The following PCDHA12 variants were observed in gnomAD, a reference collection of about 807,000 sequenced individuals.
PCDHA12 encodes the protein protocadherin alpha 12, also known as protocadherin alpha-12.
PCDHA12 carries 44 observed loss-of-function variants against 60.0 expected under a neutral mutation model. The ratio of observed to expected loss-of-function variants is 0.73; its 90% confidence interval spans 0.58 to 0.94. PCDHA12 has a LOEUF of 0.94. Among genes scored for constraint, PCDHA12 ranks in the 40% least tolerant of loss-of-function variants. The pLI is 0.00. For synonymous variants in PCDHA12, 569 were observed against 553.0 expected (o/e 1.03, Z -0.40); for missense variants, 1,276 against 1,239.7 (o/e 1.03, Z -0.44).
Position 140,875,691 on chromosome 5 carries a change from C to A in PCDHA12, c.219C>A (p.Asp73Glu), listed in dbSNP as rs1554167867. 1.2e-6 allele frequency: 2 copies of A among 1,614,036 alleles called. No individual in the cohort carries two copies. Among genetic ancestry groups the A allele is most frequent in the South Asian group, 1.1e-5 (1 of 91,070 alleles). Reference protein sequence around the residue: ...LFRVASKRHGDLLEVNLQNGI... With the variant: ...LFRVASKRHGELLEVNLQNGI... Reference sequence around the variant, plus strand: ...GGGTGGCGTCCAAAAGACACGGGGACCTTCTGGAGGTAAATCTGCAGAATG... The same window carrying A: ...GGGTGGCGTCCAAAAGACACGGGGAACTTCTGGAGGTAAATCTGCAGAATG... Residue 73 changes from aspartate (D) to glutamate (E), a missense_variant, in exon 1 of 4, where the codon GAC (aspartate) becomes GAA (glutamate). Physicochemically the swap from Asp to Glu is conservative, Grantham distance 45. Transcript: ENST00000398631.
rs1554169929 is a variant in PCDHA12 at position 140,877,625 on chromosome 5, A to T, written c.2153A>T (p.Tyr718Phe). The T allele has an allele frequency of 6.2e-7, 1 of 1,613,774 alleles. No homozygotes were observed. The highest frequency in any genetic ancestry group is 8.5e-7 in the Non-Finnish European group (1 of 1,179,852). ...CTGCTGGTGCTCACGCTGCTGCTGT[A>T]CACTGCGCTGCGTTGCTCAGCGCCG... is the stretch of plus-strand genomic sequence containing the variant. ...SSLLVLTLLL[Y>F]TALRCSAPPT... Residue 718 changes from tyrosine to phenylalanine, a missense_variant, in exon 1 of 4, where the codon TAC becomes TTC. Tyr to Phe is a conservative substitution (Grantham distance 22). Transcript: ENST00000398631.
At position 140,876,810 on chromosome 5, in the gene PCDHA12, C is replaced by T. The variant is rs782009058; in HGVS notation, c.1338C>T (p.Ala446=). The change falls in exon 1 of 4, where the codon GCC becomes GCT. Residue 446 remains alanine (A), a synonymous_variant. Coordinates refer to ENST00000398631, the MANE Select transcript of PCDHA12 (RefSeq NM_018903.4). The part of the protein sequence containing the change: ...WATARVSVEV[A]DVNDNAPAFA... ...CGGCTAGAGTGTCCGTGGAGGTGGC[C>T]GACGTGAACGACAATGCGCCTGCGT... is the stretch of plus-strand genomic sequence containing the variant. 1.9e-6 allele frequency: 3 copies of T among 1,614,154 alleles called. No individual in the cohort carries two copies. The highest frequency in any genetic ancestry group is 2.2e-5 in the East Asian group (1 of 44,870).
rs376867914 is a variant in PCDHA12 at position 140,880,239 on chromosome 5, TGC to T, written c.2367+2402_2367+2403del. Among the ~76,000 whole-genome samples the T allele has an allele frequency of 5.6e-3, 860 of 152,302 alleles. 5 individuals carry two copies. The highest frequency in any genetic ancestry group is 0.014 in the Middle Eastern group (4 of 294). On this transcript the variant is annotated intron_variant, in intron 1 of 3. Transcript: ENST00000398631. ...AGTAGAACATTTAAATTAGTGTATG[TGC>T]GTGTGTGTATGTATACATATTTTAG...
At chr5:140,920,084 T>C (rs2079442648) in intron 1 of PCDHA12, among the ~76,000 whole-genome samples, 1 of 152,196 alleles carries the variant, frequency 6.6e-6, no homozygotes, top group Non-Finnish European at 1.5e-5. Context: ...AGATTCTCCG[T>C]AGAGCCTCTA....
At chr5:140,929,207 G>C (rs782298445) in intron 1 of PCDHA12, 2 of 1,613,988 alleles carry the variant, frequency 1.2e-6, no homozygotes, top group Admixed American at 1.7e-5. Context: ...TTGCTGTTGC[G>C]TGGGGAGTAC....
intron 1 of PCDHA12, among the ~76,000 whole-genome samples, chr5:140,955,964 A>G (rs148345661): frequency 5.3e-5 from 8 of 152,256 alleles, no homozygotes; most frequent in African/African-American, 1.7e-4. Flanking sequence ...TTGTTTGTGC[A>G]TAGGAATGCT....
Position 141,009,711 on chromosome 5 carries a change from C to G in PCDHA12, c.2600C>G (p.Pro867Arg), listed in dbSNP as rs575518914. Reference sequence around the variant, plus strand: ...ACCTTTAAATACGGACCAGGCAACCCCAAACAATCCGGTCCCGGTGAGTTG... The same window carrying G: ...ACCTTTAAATACGGACCAGGCAACCGCAAACAATCCGGTCCCGGTGAGTTG... The part of the protein sequence containing the change: ...SWTFKYGPGN[P>R]KQSGPGELPD... Residue 867 changes from proline to arginine, a missense_variant, in exon 4 of 4, where the codon CCC (proline) becomes CGC (arginine). Transcript: ENST00000398631. The G allele has an allele frequency of 6.2e-6, 10 of 1,613,982 alleles. No homozygotes were observed. Among genetic ancestry groups the G allele is most frequent in the Non-Finnish European group, 8.5e-6 (10 of 1,180,036 alleles).
chr5:140,967,379 A>G (rs1554229509), intron 1 of PCDHA12: 2 of 1,608,268 alleles, frequency 1.2e-6, no homozygotes, highest in East Asian at 2.2e-5. Flanking sequence ...GGAGAACAGT[A>G]AAGTGCTTGA....
intron 1 of PCDHA12, among the ~76,000 whole-genome samples, chr5:140,889,903 A>G (rs2062424264): frequency 6.6e-6 from 1 of 152,126 alleles, no homozygotes; most frequent in African/African-American, 2.4e-5. Flanking sequence ...CTACCTTGAG[A>G]TTGTCATACT....
chr5:140,967,610 T>A, intron 1 of PCDHA12: 1 of 1,614,108 alleles, frequency 6.2e-7, no homozygotes, highest in Non-Finnish European at 8.5e-7. Context: ...GCTGAATGCC[T>A]CAGACCCGGA....
rs1554167643 is a variant in PCDHA12, at chr5:140,875,438, T to C, written c.-35T>C. ...CCTCAGGCAAGCGATCCCTTAAAACTGATTGTCCCAACTCAGAGGCCCTCA... is the reference window on the plus strand; with the variant it reads ...CCTCAGGCAAGCGATCCCTTAAAACCGATTGTCCCAACTCAGAGGCCCTCA... On this transcript the variant is annotated 5_prime_UTR_variant, in exon 1 of 4. Coordinates refer to ENST00000398631, the MANE Select transcript of PCDHA12 (RefSeq NM_018903.4). The C allele has an allele frequency of 6.4e-7, 1 of 1,568,134 alleles. No homozygotes were observed. The highest frequency in any genetic ancestry group is 8.6e-7 in the Non-Finnish European group (1 of 1,158,834).
At chr5:140,882,534 G>C in intron 1 of PCDHA12, 1 of 1,614,204 alleles carries the variant, frequency 6.2e-7, no homozygotes. Flanking sequence ...GTGAATTCTC[G>C]GATCGACCGC....
intron 3 of PCDHA12, among the ~76,000 whole-genome samples, chr5:141,007,768 A>C (rs1457934171): frequency 2.0e-5 from 3 of 152,212 alleles, no homozygotes; most frequent in Non-Finnish European, 2.9e-5. Context: ...ATTGGCCTGG[A>C]AATGGTACTG....
At chr5:140,884,549 G>C (rs782470468) in intron 1 of PCDHA12, 2 of 1,614,016 alleles carry the variant, frequency 1.2e-6, no homozygotes, top group Non-Finnish European at 1.7e-6. Flanking sequence ...GGTGTGCTCT[G>C]GGGAGGGCCC....
At chr5:141,007,395 C>CAAAAAA (rs35800918) in intron 3 of PCDHA12, among the ~76,000 whole-genome samples, 36 of 94,826 alleles carry the variant, frequency 3.8e-4, no homozygotes, top group African/African-American at 6.0e-4. Context: ...TACTAAAATA[C>CAAAAAA]AAAAAAAAAA....
At chr5:140,980,447 C>T (rs952861849) in intron 2 of PCDHA12, among the ~76,000 whole-genome samples, 4 of 152,036 alleles carry the variant, frequency 2.6e-5, no homozygotes, top group Admixed American at 6.6e-5. Context: ...CTGGACAACA[C>T]GGTGAAACCC....
rs75101825 is a variant in PCDHA12, at chr5:140,914,430, C to A, written c.2367+36591C>A. On this transcript the variant is annotated intron_variant, in intron 1 of 3. Coordinates refer to ENST00000398631, the MANE Select transcript of PCDHA12 (RefSeq NM_018903.4). ...TTTTGTTTCCATTAGCAAGGAATAT[C>A]TTTTCCCATGTCTTTATTTTCCAGT... Among the ~76,000 whole-genome samples the A allele has an allele frequency of 8.0e-3, 1,215 of 152,204 alleles. 6 individuals carry two copies. Among genetic ancestry groups the A allele is most frequent in the African/African-American group, 0.019 (784 of 41,536 alleles).
At chr5:140,967,785 G>A (rs1554229943) in intron 1 of PCDHA12, 6 of 1,614,176 alleles carry the variant, frequency 3.7e-6, no homozygotes, top group Admixed American at 3.3e-5. Context: ...GCGACTGACC[G>A]GGGTCCAGTG....
chr5:140,915,850 C>A (rs2077335554), intron 1 of PCDHA12, among the ~76,000 whole-genome samples: 1 of 152,140 alleles, frequency 6.6e-6, no homozygotes, highest in South Asian at 2.1e-4. Context: ...GGGGTGACAC[C>A]AGCCAAGTTT....
Sources: allele counts gnomAD v4.1 joint callset (sites outside exome capture counted in the v4.1 genomes callset), GRCh38; gene constraint gnomAD v4.1.1; transcripts MANE v1.5; gene names NCBI Gene and HGNC (gene_info 2026-07-23, HGNC 2026-07-21).